NRG1: variants seen among roughly 807,000 people sequenced by gnomAD.
The protein encoded by NRG1 is pro-neuregulin-1, membrane-bound isoform.
In NRG1, 18 loss-of-function variants were observed where a neutral mutation model predicts 63.8. That is an observed-to-expected ratio of 0.28 (90% CI 0.19 to 0.42). The LOEUF (loss-of-function observed/expected upper bound fraction) is 0.42. NRG1 is among the 10% of genes least tolerant of loss of function. The probability of loss-of-function intolerance (pLI) is 1.00; values close to 1 mark genes in which losing one functional copy is unlikely to be tolerated. For missense variants in NRG1, 762 were observed against 814.7 expected (o/e 0.94, Z 0.79); for synonymous variants, 302 against 301.3 (o/e 1.00, Z -0.02).
intron 1 of NRG1, among the ~76,000 whole-genome samples, chr8:31,879,110 A>C (rs1392198620): frequency 6.6e-6 from 1 of 152,168 alleles, no homozygotes; most frequent in Non-Finnish European, 1.5e-5. Context: ...AGGGGCACGC[A>C]TTACACAAGG....
intron 1 of NRG1, among the ~76,000 whole-genome samples, chr8:31,873,503 G>A (rs571367020): frequency 6.6e-6 from 1 of 152,292 alleles, no homozygotes; most frequent in South Asian, 2.1e-4. Context: ...AGATTGCAGT[G>A]AGCTGAGATC....
intron 4 of NRG1, among the ~76,000 whole-genome samples, chr8:32,615,664 A>G (rs1384250219): frequency 6.6e-6 from 1 of 152,058 alleles, no homozygotes; most frequent in Non-Finnish European, 1.5e-5. Context: ...TCTTACCTCC[A>G]TCATTTCCTC....
At chr8:32,701,796 A>G (rs1814962575) in intron 5 of NRG1, among the ~76,000 whole-genome samples, 1 of 152,228 alleles carries the variant, frequency 6.6e-6, no homozygotes, top group South Asian at 2.1e-4. Context: ...TAACTATCTG[A>G]CATTCATTTA....
chr8:32,737,178 T>C (rs1825279129), intron 6 of NRG1, among the ~76,000 whole-genome samples: 1 of 152,160 alleles, frequency 6.6e-6, no homozygotes, highest in Non-Finnish European at 1.5e-5. Context: ...AAAGAATCTT[T>C]TCCAAATTGC....
At chr8:31,954,404 T>A (rs1804024100) in intron 1 of NRG1, among the ~76,000 whole-genome samples, 1 of 152,222 alleles carries the variant, frequency 6.6e-6, no homozygotes, top group Non-Finnish European at 1.5e-5. Context: ...TTTCTTAGGA[T>A]GTAAGAGAGA....
intron 1 of NRG1, among the ~76,000 whole-genome samples, chr8:32,090,596 C>CA (rs1354835313): frequency 1.1e-4 from 17 of 152,200 alleles, no homozygotes; most frequent in African/African-American, 4.1e-4. Context: ...GCTGAGATTA[C>CA]AGGCGTGAGC....
At chr8:32,552,185 G>A (rs1022583203) in intron 1 of NRG1, among the ~76,000 whole-genome samples, 18 of 149,652 alleles carry the variant, frequency 1.2e-4, no homozygotes, top group African/African-American at 3.9e-4. Context: ...CTGGGATTAC[G>A]GGCATGAGCC....
At chr8:32,480,484 CAAAAACAAA>C (rs1429049746) in intron 1 of NRG1, among the ~76,000 whole-genome samples, 9 of 75,352 alleles carry the variant, frequency 1.2e-4, no homozygotes, top group South Asian at 4.4e-4. Context: ...AAAACAAAAA[CAAAAACAAA>C]AAAAACAAAA....
intron 1 of NRG1, among the ~76,000 whole-genome samples, chr8:32,125,752 A>G (rs1461568438): frequency 1.3e-5 from 2 of 151,928 alleles, no homozygotes; most frequent in East Asian, 3.9e-4. Flanking sequence ...GTCTTTTGAT[A>G]AGAAAGATCT....
intron 1 of NRG1, among the ~76,000 whole-genome samples, chr8:32,255,642 T>G (rs1048794020): frequency 1.3e-5 from 2 of 152,170 alleles, no homozygotes; most frequent in African/African-American, 2.4e-5. Context: ...CCCTTAACAT[T>G]TTTTCCTTTA....
At chr8:32,312,770 C>G (rs888607895) in intron 1 of NRG1, among the ~76,000 whole-genome samples, 16 of 136,622 alleles carry the variant, frequency 1.2e-4, no homozygotes, top group Non-Finnish European at 2.6e-4. Context: ...ACTTCCCTCC[C>G]TCCCTCTCTC....
At chr8:32,180,538 CTT>C (rs1240631688) in intron 1 of NRG1, among the ~76,000 whole-genome samples, 1 of 152,052 alleles carries the variant, frequency 6.6e-6, no homozygotes, top group Admixed American at 6.6e-5. Flanking sequence ...GGGCTAATAA[CTT>C]ATTATTTCAG....
intron 5 of NRG1, among the ~76,000 whole-genome samples, chr8:32,684,628 T>C: frequency 6.6e-6 from 1 of 152,186 alleles, no homozygotes; most frequent in East Asian, 1.9e-4. Context: ...TATAATATCA[T>C]TCTTTTTTTA....
At chr8:32,758,827 G>A (rs1830148345) in intron 9 of NRG1, among the ~76,000 whole-genome samples, 1 of 152,056 alleles carries the variant, frequency 6.6e-6, no homozygotes, top group Admixed American at 6.5e-5. Flanking sequence ...GAGAAAGGTA[G>A]GCCCAACATA....
intron 1 of NRG1, among the ~76,000 whole-genome samples, chr8:31,749,840 T>A (rs2131449749): frequency 6.6e-6 from 1 of 151,692 alleles, no homozygotes; most frequent in South Asian, 2.1e-4. Context: ...TTATACTCTT[T>A]TGCAAGCAAT....
At chr8:32,549,768 A>G (rs917289936) in intron 1 of NRG1, among the ~76,000 whole-genome samples, 4 of 152,194 alleles carry the variant, frequency 2.6e-5, no homozygotes, top group African/African-American at 7.2e-5. Context: ...ACCTTGGACA[A>G]AAGAGGCATG....
chr8:32,193,882 C>T (rs746758960), intron 1 of NRG1, among the ~76,000 whole-genome samples: 5 of 152,156 alleles, frequency 3.3e-5, no homozygotes, highest in Non-Finnish European at 5.9e-5. Flanking sequence ...CTGCCACAAG[C>T]CAAGGAGCTA....
At chr8:32,193,543 A>T (rs1049057776) in intron 1 of NRG1, among the ~76,000 whole-genome samples, 1 of 152,178 alleles carries the variant, frequency 6.6e-6, no homozygotes, top group African/African-American at 2.4e-5. Flanking sequence ...TATTCAGAAA[A>T]GCACGTTAAA....
At chr8:31,814,237 A>T (rs560083196) in intron 1 of NRG1, among the ~76,000 whole-genome samples, 148 of 152,326 alleles carry the variant, frequency 9.7e-4, no homozygotes, top group African/African-American at 3.3e-3. Flanking sequence ...CTGATGAGTC[A>T]TCTTTACTTG....
Sources: allele counts gnomAD v4.1 joint callset (sites outside exome capture counted in the v4.1 genomes callset), GRCh38; gene constraint gnomAD v4.1.1; transcripts MANE v1.5; gene names NCBI Gene and HGNC (gene_info 2026-07-23, HGNC 2026-07-21).